Variants in CUL9 observed in about 807,000 individuals in gnomAD.
The protein encoded by CUL9 is cullin 9.
Under a neutral mutation model 272.6 loss-of-function variants are expected in CUL9, and 79 were observed. The ratio of observed to expected loss-of-function variants is 0.29; its 90% CI spans 0.24 to 0.35. The LOEUF is 0.35. Among genes scored for constraint, CUL9 ranks in the 10% least tolerant of loss-of-function variants. The pLI is 1.00. For missense variants in CUL9, 2,532 were observed against 3,255.6 expected (o/e 0.78, Z 5.41); for synonymous variants, 1,186 against 1,286.5 (o/e 0.92, Z 1.67).
chr6:43,220,051 A>T lies in CUL9; in HGVS notation c.6283-408A>T, dbSNP rs1295349492. Among the ~76,000 whole-genome samples the T allele has an allele frequency of 6.6e-6, 1 of 152,144 alleles. No individual in the cohort carries two copies. Among genetic ancestry groups the T allele is most frequent in the Non-Finnish European group, 1.5e-5 (1 of 68,032 alleles). Reference sequence around the variant, plus strand: ...ACGGTCATTGGAGATAAGCCACTGGAGCTGGGAGGAGAGACCAGAGCTGTG... The same window carrying T: ...ACGGTCATTGGAGATAAGCCACTGGTGCTGGGAGGAGAGACCAGAGCTGTG... On this transcript the variant is annotated intron_variant, in intron 31 of 40. Coordinates refer to ENST00000252050, the MANE Select transcript of CUL9 (RefSeq NM_015089.4). This position sits in a 1 kb window ranked among gnomAD's most constrained non-coding sequence, Gnocchi z 4.9.
rs576947565 is a variant in CUL9 at position 43,199,107 on chromosome 6, T to G, written c.3051-159T>G. On this transcript the variant is annotated intron_variant, in intron 12 of 40. Coordinates refer to ENST00000252050, the MANE Select transcript of CUL9 (RefSeq NM_015089.4). The surrounding 1 kb of genome is among the most constrained non-coding windows in gnomAD (Gnocchi z 4.4). ...ATGTGCCACCATGCCCAGCTAATTT[T>G]GTATTTTTAGTAGAGATGGGGTTTC... Among the ~76,000 whole-genome samples, 14 of 152,220 alleles carry G rather than the reference T, an allele frequency of 9.2e-5. No homozygotes were observed. Among genetic ancestry groups the G allele is most frequent in the Admixed American group, 6.5e-4 (10 of 15,290 alleles).
At chr6:43,205,192 C>T (rs566004367) in intron 23 of CUL9, 71 bp from the exon 24 acceptor site, 57 of 1,589,202 alleles carry the variant, frequency 3.6e-5, no homozygotes, top group Non-Finnish European at 4.8e-5. Flanking sequence ...CCTTTCACCT[C>T]CTTTCGCTCC....
chr6:43,206,416 C>T lies in CUL9; in HGVS notation c.5118C>T (p.Pro1706=), dbSNP rs768462409. The change falls in exon 26 of 41, where the codon CCC becomes CCT. Residue 1706 remains proline, a synonymous_variant. Coordinates refer to ENST00000252050, the MANE Select transcript of CUL9 (RefSeq NM_015089.4). This position sits in a 1 kb window ranked among gnomAD's most constrained non-coding sequence, Gnocchi z 4.8. ...SILVLSPRCW[P]VSPLCYLYHP... ...TGGTCCTGTCACCACGCTGCTGGCC[C>T]GTCTCCCCACTCTGCTACCTGTACC... The T allele has an allele frequency of 9.3e-6, 15 of 1,614,146 alleles. No homozygotes were observed. Among genetic ancestry groups the T allele is most frequent in the Non-Finnish European group, 1.2e-5 (14 of 1,180,030 alleles).
Position 43,221,746 on chromosome 6 carries a change from A to C in CUL9, c.6814A>C (p.Asn2272His), listed in dbSNP as rs778155653. Residue 2272 changes from asparagine (N) to histidine (H), a missense_variant, in exon 35 of 41, where the codon AAT becomes CAT. Asn to His is a moderately conservative substitution (Grantham distance 68). Coordinates refer to ENST00000252050, the MANE Select transcript of CUL9 (RefSeq NM_015089.4). This position sits in a 1 kb window ranked among gnomAD's most constrained non-coding sequence, Gnocchi z 4.2. ...CWRCLKSWKP[N>H]HKDYYNCSAM... ...GCGCTGCCTCAAGTCCTGGAAGCCA[A>C]ATCACAAAGACTATTACAACTGCTC... 1.9e-6 allele frequency: 3 copies of C among 1,613,524 alleles called. No homozygotes were observed. Among genetic ancestry groups the C allele is most frequent in the Non-Finnish European group, 2.5e-6 (3 of 1,180,018 alleles).
rs1562022399 is a variant in CUL9, at chr6:43,193,069, A to G, written c.2249A>G (p.Gln750Arg). 5.6e-6 allele frequency: 9 copies of G among 1,614,254 alleles called. No homozygotes were observed. The highest frequency in any genetic ancestry group is 7.6e-6 in the Non-Finnish European group (9 of 1,180,040). The stretch of plus-strand genomic sequence containing the variant: ...GTGGGAGAGAAGATGGTGGTCGTGC[A>G]GGCCCTGCGCCTCCTTTACCTGCTC... Reference protein sequence around the residue: ...NQVGEKMVVVQALRLLYLLMT... With the variant: ...NQVGEKMVVVRALRLLYLLMT... Residue 750 changes from glutamine (Q) to arginine (R), a missense_variant, in exon 9 of 41, where the codon CAG (glutamine) becomes CGG (arginine). Gln to Arg is a conservative substitution (Grantham distance 43). Transcript: ENST00000252050.
Position 43,222,517 on chromosome 6 carries a change from C to T in CUL9, c.6922-14C>T. 6.2e-7 allele frequency: 1 copy of T among 1,613,624 alleles called. No individual in the cohort carries two copies. ...GCCACCTGTGCTGGTACTGATACACCTTCCTCCACACAGGAGTTTGCTGTG... is the reference window on the plus strand; with the variant it reads ...GCCACCTGTGCTGGTACTGATACACTTTCCTCCACACAGGAGTTTGCTGTG... On this transcript the variant is annotated splice_polypyrimidine_tract_variant and intron_variant, in intron 36 of 40. Transcript: ENST00000252050.
chr6:43,222,211 C>T (rs1035702135), intron 35 of CUL9, 105 bp from the exon 36 acceptor site: 15 of 829,400 alleles, frequency 1.8e-5, no homozygotes, highest in Admixed American at 1.1e-4. Flanking sequence ...TGAAGATAAT[C>T]GGGGGAGGTG....
intron 29 of CUL9, among the ~76,000 whole-genome samples, chr6:43,214,643 A>G (rs1417263256): frequency 1.3e-5 from 2 of 152,068 alleles, no homozygotes; most frequent in African/African-American, 4.8e-5. Context: ...TCTACTAAAA[A>G]TACAAAAATT....
rs1776567999 is a variant in CUL9, at chr6:43,223,669, T to G, written c.7284+272T>G. 3.7e-6 allele frequency: 2 copies of G among 542,054 alleles called. No individual in the cohort carries two copies. Among genetic ancestry groups the G allele is most frequent in the South Asian group, 5.1e-5 (2 of 39,518 alleles). 33.6% of individuals were successfully genotyped at this position (542,054 alleles called of 1,614,324 possible). ...TGGTCAGGTGCCTATCAGAATCACT[T>G]GGGGAACTTTTCCAGACTGTACTTC... On this transcript the variant is annotated intron_variant, in intron 39 of 40. Coordinates refer to ENST00000252050, the MANE Select transcript of CUL9 (RefSeq NM_015089.4). This position sits in a 1 kb window ranked among gnomAD's most constrained non-coding sequence, Gnocchi z 4.1.
intron 26 of CUL9, among the ~76,000 whole-genome samples, chr6:43,212,596 T>A (rs571783509): frequency 5.4e-4 from 82 of 152,254 alleles, no homozygotes; most frequent in African/African-American, 1.9e-3. Context: ...TAAAAATATA[T>A]CATTATGAAC....
rs1488847469 is a variant in CUL9, at chr6:43,187,890, A to T, written c.1759A>T (p.Asn587Tyr). 6.2e-7 allele frequency: 1 copy of T among 1,614,066 alleles called. No homozygotes were observed. The highest frequency in any genetic ancestry group is 1.7e-5 in the Admixed American group (1 of 60,018). ...NEPSSSSTSR[N>Y]HSCTPDPEEE... The stretch of plus-strand genomic sequence containing the variant: ...ACCAAGCAGCTCGTCTACTTCACGA[A>T]ATCACTCCTGTACCCCAGATCCAGA... Residue 587 changes from asparagine (N) to tyrosine (Y), a missense_variant, in exon 7 of 41, where the codon AAT becomes TAT. Asn to Tyr is a moderately radical substitution (Grantham distance 143, BLOSUM62 -2). This residue lies in a region of CUL9 where 2,218 missense variants were observed against 2,788.6 expected (regional missense o/e 0.80). Coordinates refer to ENST00000252050, the MANE Select transcript of CUL9 (RefSeq NM_015089.4).
chr6:43,223,186 G>A lies in CUL9; in HGVS notation c.7151-78G>A, dbSNP rs111445785. On this transcript the variant is annotated intron_variant, in intron 38 of 40. Coordinates refer to ENST00000252050, the MANE Select transcript of CUL9 (RefSeq NM_015089.4). The surrounding 1 kb of genome is among the most constrained non-coding windows in gnomAD (Gnocchi z 4.1). ...GAGCTGCACCTGGTGCTTGGTAGAC[G>A]TTCCATAGGTGTTTGTTGGAGGAAG... The A allele has an allele frequency of 3.8e-5, 57 of 1,495,912 alleles. No homozygotes were observed. The highest frequency in any genetic ancestry group is 1.2e-4 in the African/African-American group (9 of 72,366). 92.7% of individuals were successfully genotyped at this position (1,495,912 alleles called of 1,614,324 possible).
chr6:43,195,815 C>T (rs1176771204), intron 9 of CUL9, among the ~76,000 whole-genome samples: 1 of 152,194 alleles, frequency 6.6e-6, no homozygotes, highest in East Asian at 1.9e-4. Context: ...GAGTGGAAGG[C>T]TGATTTTACC....
At chr6:43,208,532 C>T (rs149334210) in intron 26 of CUL9, among the ~76,000 whole-genome samples, 36 of 152,264 alleles carry the variant, frequency 2.4e-4, no homozygotes, top group Non-Finnish European at 4.4e-4. Flanking sequence ...TAAATAGTTA[C>T]ATGTGGCTAA....
rs140530247 is a variant in CUL9 at position 43,199,959 on chromosome 6, C to T, written c.3187C>T (p.Arg1063Cys). 2.1e-4 allele frequency: 346 copies of T among 1,614,158 alleles called. 1 individual carries two copies. In the East Asian group the frequency reaches 6.6e-3, roughly 31 times the overall value. The change falls in exon 14 of 41, where the codon CGC becomes TGC. Residue 1063 changes from arginine (R) to cysteine (C), a missense_variant. By Grantham distance (180) the Arg-to-Cys change is radical. Around this residue, in one of 3 missense-constraint regions of CUL9, gnomAD observed 2,218 missense variants for 2,788.6 expected, o/e 0.80. Coordinates refer to ENST00000252050, the MANE Select transcript of CUL9 (RefSeq NM_015089.4). The surrounding 1 kb of genome is among the most constrained non-coding windows in gnomAD (Gnocchi z 4.4). ...IVQELTCFLH[R>C]LASMHKDYAV... is the part of the protein sequence containing the mutation. The stretch of plus-strand genomic sequence containing the variant: ...TCAGGAGCTGACCTGCTTCCTACAT[C>T]GCCTGGCCTCGATGCATAAGGACTA...
chr6:43,183,226 C>T (rs949667465), intron 1 of CUL9, among the ~76,000 whole-genome samples: 4 of 152,206 alleles, frequency 2.6e-5, no homozygotes, highest in Non-Finnish European at 5.9e-5. Flanking sequence ...ATGATTACCA[C>T]CTCTATCTTA....
chr6:43,196,975 G>A (rs1225342728), intron 11 of CUL9, 113 bp downstream of exon 11: 4 of 877,560 alleles, frequency 4.6e-6, no homozygotes, highest in Non-Finnish European at 5.3e-6. Context: ...AGCAAGCATT[G>A]TGCTCAAGTT....
intron 6 of CUL9, 88 bp downstream of exon 6, chr6:43,187,527 TA>T: frequency 7.0e-7 from 1 of 1,427,518 alleles, no homozygotes; most frequent in Middle Eastern, 1.9e-4. Flanking sequence ...GGTTACCGCT[TA>T]GGGGGAGGCT....
Position 43,188,593 on chromosome 6 carries a change from C to G in CUL9, c.2058C>G (p.Ala686=). 1 of 1,614,220 alleles carries G rather than the reference C, an allele frequency of 6.2e-7. No homozygotes were observed. Among genetic ancestry groups the G allele is most frequent in the Admixed American group, 1.7e-5 (1 of 60,022 alleles). ...SLDQHVAAVV[A]TVQISSLDTN... is the part of the protein sequence containing the mutation. ...ATCAGCATGTGGCAGCGGTCGTGGC[C>G]ACTGTGCAGATATCCAGCTTGGACA... Residue 686 remains alanine (A), a synonymous_variant, in exon 8 of 41, where the codon GCC becomes GCG. Transcript: ENST00000252050.
Sources: allele counts gnomAD v4.1 joint callset (sites outside exome capture counted in the v4.1 genomes callset), GRCh38; gene constraint gnomAD v4.1.1; regional missense constraint gnomAD v4.1.1; non-coding constraint Gnocchi (gnomAD v3.1); transcripts MANE v1.5; gene names NCBI Gene and HGNC (gene_info 2026-07-23, HGNC 2026-07-21).